Variants in CREBBP observed in about 807,000 individuals in gnomAD.
CREBBP encodes CREB-binding protein.
A neutral mutation model predicts 265.0 loss-of-function variants in CREBBP; 19 were observed. The ratio of observed to expected loss-of-function variants is 0.07; its 90% CI spans 0.05 to 0.11. The LOEUF is 0.11. CREBBP is among the 10% of genes least tolerant of loss of function. CREBBP has a pLI of 1.00. For synonymous variants in CREBBP, 1,457 were observed against 1,223.7 expected (o/e 1.19, Z -3.98); for missense variants, 2,525 against 3,219.0 (o/e 0.78, Z 5.22).
chr16:3,873,976 C>G (rs965986348), intron 1 of CREBBP, among the ~76,000 whole-genome samples: 3 of 152,146 alleles, frequency 2.0e-5, no homozygotes, highest in Non-Finnish European at 2.9e-5. Flanking sequence ...GAGGGAAGTG[C>G]TGGGAAGAGG....
chr16:3,744,574 T>C (rs1349903200), intron 23 of CREBBP, among the ~76,000 whole-genome samples: 2 of 152,210 alleles, frequency 1.3e-5, no homozygotes. Context: ...CTGCGAGTCC[T>C]GCTCTGAGCT....
At position 3,849,425 on chromosome 16, in the gene CREBBP, GTGTGT is replaced by G. The variant is rs2054747900; in HGVS notation, c.798+867_798+871del. Among the ~76,000 whole-genome samples the G allele has an allele frequency of 2.0e-3, 21 of 10,580 alleles. 1 individual carries two copies. The highest frequency in any genetic ancestry group is 3.6e-3 in the Non-Finnish European group (8 of 2,210). The allele number at this position is 10,580 out of a possible 152,430, so 6.9% of individuals were successfully genotyped here. ...TGTGTGTGTGTGTGTGTGTGTGTGT[GTGTGT>G]GTGTGTGTGTGTGTGTGTGTGTGTG... On this transcript the variant is annotated intron_variant, in intron 2 of 30. Coordinates refer to ENST00000262367, the MANE Select transcript of CREBBP (RefSeq NM_004380.3).
At position 3,757,217 on chromosome 16, in the gene CREBBP, T is replaced by C. The variant is rs186488743; in HGVS notation, c.3698+71A>G. On this transcript the variant is annotated intron_variant, in intron 19 of 30. Coordinates refer to ENST00000262367, the MANE Select transcript of CREBBP (RefSeq NM_004380.3). Reference sequence around the variant, plus strand: ...TATTGGAACTTCAGGAAAGAAATAATGTACACAGACTATAACCAGATGAAC... The same window carrying C: ...TATTGGAACTTCAGGAAAGAAATAACGTACACAGACTATAACCAGATGAAC... 7.7e-5 allele frequency: 98 copies of C among 1,278,402 alleles called. 1 individual carries two copies. The East Asian group carries it at 2.1e-3, about 28-fold the overall frequency. 79.2% of individuals were successfully genotyped at this position (1,278,402 alleles called of 1,614,324 possible). A position where few individuals can be genotyped will look rare whatever the true frequency, so the allele number is the denominator to read the frequency against.
At chr16:3,737,584 TGAG>T (rs1484633188) in intron 26 of CREBBP, among the ~76,000 whole-genome samples, 2 of 151,592 alleles carry the variant, frequency 1.3e-5, no homozygotes, top group Non-Finnish European at 2.9e-5. Flanking sequence ...CCCCACCTCC[TGAG>T]GAGCTGGGAT....
chr16:3,825,274 T>G (rs1472772536), intron 2 of CREBBP, among the ~76,000 whole-genome samples: 1 of 152,186 alleles, frequency 6.6e-6, no homozygotes, highest in African/African-American at 2.4e-5. Flanking sequence ...ATGAAATGAA[T>G]AATATGACTC....
rs186550682 is a variant in CREBBP, at chr16:3,789,040, C to T, written c.1330+2941G>A. ...TTCATTTCAAAGAACCTCAGATTAGCGCCACAGGTGATTCTGGAAGGTTCT... is the reference window on the plus strand; with the variant it reads ...TTCATTTCAAAGAACCTCAGATTAGTGCCACAGGTGATTCTGGAAGGTTCT... On this transcript the variant is annotated intron_variant, in intron 5 of 30. Transcript: ENST00000262367. Among the ~76,000 whole-genome samples, 43 of 152,312 alleles carry T rather than the reference C, an allele frequency of 2.8e-4. 2 individuals carry two copies. The highest frequency in any genetic ancestry group is 2.3e-3 in the Admixed American group (35 of 15,300).
intron 16 of CREBBP, among the ~76,000 whole-genome samples, chr16:3,766,396 G>A (rs1240951300): frequency 6.6e-6 from 1 of 152,162 alleles, no homozygotes; most frequent in Non-Finnish European, 1.5e-5. Flanking sequence ...AGTAAATGCA[G>A]AGGCAGATAC....
intron 1 of CREBBP, among the ~76,000 whole-genome samples, chr16:3,870,113 T>C (rs2055263379): frequency 1.3e-5 from 2 of 151,672 alleles, no homozygotes; most frequent in Non-Finnish European, 1.5e-5. Flanking sequence ...CGGGGAAAAA[T>C]TTTGTCCACC....
intron 22 of CREBBP, 94 bp downstream of exon 22, chr16:3,745,183 G>T: frequency 8.4e-7 from 1 of 1,185,008 alleles, no homozygotes; most frequent in Non-Finnish European, 1.2e-6. Flanking sequence ...CTGAATTCTT[G>T]CTGACAACAA....
intron 20 of CREBBP, among the ~76,000 whole-genome samples, chr16:3,750,363 C>T (rs1258502841): frequency 2.6e-5 from 4 of 152,114 alleles, no homozygotes; most frequent in African/African-American, 7.2e-5. Context: ...AATGGTAGAG[C>T]GTAAGTGCCT....
At chr16:3,849,430 T>TGTG (rs2054752058) in intron 2 of CREBBP, among the ~76,000 whole-genome samples, 25 of 8,582 alleles carry the variant, frequency 2.9e-3, no homozygotes, top group Admixed American at 0.021. Flanking sequence ...TGTGTGTGTG[T>TGTG]GTGTGTGTGT....
chr16:3,861,153 G>A (rs1597072380), intron 1 of CREBBP, among the ~76,000 whole-genome samples: 1 of 152,082 alleles, frequency 6.6e-6, no homozygotes, highest in East Asian at 1.9e-4. Context: ...GTGGTGGCAG[G>A]TGCCTATAAC....
Position 3,778,562 on chromosome 16 carries a change from TC to T in CREBBP, c.1941+137del. 7 of 788,236 alleles carry T rather than the reference TC, an allele frequency of 8.9e-6. No homozygotes were observed. The South Asian group carries it at 9.6e-5, about 11-fold the overall frequency. The allele number at this position is 788,236 out of a possible 1,614,324, so 48.8% of individuals were successfully genotyped here. On this transcript the variant is annotated intron_variant, in intron 9 of 30. Transcript: ENST00000262367. ...AGATTTGTGTCTTATCTGGGAAGTC[TC>T]CTTGGTCAGTGGCCTCAAGGGGAGG...
intron 5 of CREBBP, among the ~76,000 whole-genome samples, chr16:3,785,505 C>G (rs909744788): frequency 1.3e-5 from 2 of 152,232 alleles, no homozygotes; most frequent in Non-Finnish European, 2.9e-5. Flanking sequence ...GGATTAATGT[C>G]AAATTCGGTT....
chr16:3,769,398 T>A (rs369559444), intron 14 of CREBBP, 45 bp from the exon 15 acceptor site: 2 of 1,609,322 alleles, frequency 1.2e-6, no homozygotes, highest in Non-Finnish European at 1.7e-6. Context: ...CAAGGTAACA[T>A]AAATGATCTT....
intron 28 of CREBBP, among the ~76,000 whole-genome samples, chr16:3,732,943 G>A (rs1168258304): frequency 3.9e-5 from 6 of 151,990 alleles, no homozygotes; most frequent in African/African-American, 9.7e-5. Context: ...CGGGTGATCC[G>A]CCCGCCTGAG....
At chr16:3,802,114 A>T (rs983558606) in intron 3 of CREBBP, among the ~76,000 whole-genome samples, 1 of 50,580 alleles carries the variant, frequency 2.0e-5, no homozygotes, top group Admixed American at 3.7e-4. Context: ...GTATTCCTTA[A>T]TTTTTTTTTT....
chr16:3,849,450 T>C (rs1567360713), intron 2 of CREBBP, among the ~76,000 whole-genome samples: 6 of 66,772 alleles, frequency 9.0e-5, no homozygotes, highest in African/African-American at 2.2e-4. Context: ...TGTGTGTGTG[T>C]GTGTGTGTGT....
intron 6 of CREBBP, 99 bp downstream of exon 6, chr16:3,782,585 A>G (rs2053296769): frequency 2.0e-6 from 3 of 1,499,058 alleles, no homozygotes; most frequent in Admixed American, 4.2e-5. Context: ...CCGTAGTAAA[A>G]AACACAAAAC....
Sources: gnomAD v4.1 joint callset for allele counts (sites outside exome capture counted in the v4.1 genomes callset) on GRCh38, gnomAD v4.1.1 for gene constraint, MANE v1.5 for transcripts, NCBI Gene and HGNC (gene_info 2026-07-23, HGNC 2026-07-21) for gene names.